Variants in BMPR1B observed in about 807,000 individuals in gnomAD.
The protein encoded by BMPR1B is bone morphogenetic protein receptor type-1B.
In BMPR1B, 12 loss-of-function variants were observed where a neutral mutation model predicts 59.1. That is an observed-to-expected ratio of 0.20 (90% CI 0.13 to 0.33). The LOEUF (loss-of-function observed/expected upper bound fraction) is 0.33. Among genes scored for constraint, BMPR1B ranks in the 10% least tolerant of loss-of-function variants. The probability of loss-of-function intolerance (pLI) is 1.00; values close to 1 mark genes in which losing one functional copy is unlikely to be tolerated. For synonymous variants in BMPR1B, 237 were observed against 207.3 expected (o/e 1.14, Z -1.23); for missense variants, 550 against 610.9 (o/e 0.90, Z 1.05).
chr4:95,106,842 C>G (rs1345132195), intron 4 of BMPR1B, among the ~76,000 whole-genome samples: 1 of 151,848 alleles, frequency 6.6e-6, no homozygotes, highest in Non-Finnish European at 1.5e-5. Flanking sequence ...TGTAAGGAGG[C>G]TGTATCCGTG....
chr4:95,021,289 G>T (rs1183881559), intron 3 of BMPR1B, among the ~76,000 whole-genome samples: 1 of 152,184 alleles, frequency 6.6e-6, no homozygotes, highest in African/African-American at 2.4e-5. Flanking sequence ...AGAATGCAGT[G>T]CAAATGCAGT....
At chr4:95,035,977 C>T (rs1725213424) in intron 3 of BMPR1B, among the ~76,000 whole-genome samples, 1 of 151,950 alleles carries the variant, frequency 6.6e-6, no homozygotes, top group Non-Finnish European at 1.5e-5. Context: ...TGTGGTTTTC[C>T]TTGTAGAGAT....
intron 1 of BMPR1B, among the ~76,000 whole-genome samples, chr4:94,787,002 CT>C (rs752983601): frequency 1.3e-5 from 2 of 152,120 alleles, no homozygotes; most frequent in Non-Finnish European, 2.9e-5. Context: ...AACGTAACCA[CT>C]TTTATTCCCC....
intron 2 of BMPR1B, among the ~76,000 whole-genome samples, chr4:94,924,234 G>C (rs1295079041): frequency 6.6e-6 from 1 of 152,080 alleles, no homozygotes; most frequent in East Asian, 1.9e-4. Flanking sequence ...TTATTTTATT[G>C]TTTATGTGAT....
intron 3 of BMPR1B, among the ~76,000 whole-genome samples, chr4:95,001,642 A>G (rs1378021534): frequency 1.3e-5 from 2 of 152,216 alleles, no homozygotes; most frequent in African/African-American, 2.4e-5. Flanking sequence ...ATTTTGTTTT[A>G]TAATTTTGTT....
chr4:94,811,595 T>C (rs1216731488), intron 1 of BMPR1B, among the ~76,000 whole-genome samples: 5 of 152,186 alleles, frequency 3.3e-5, no homozygotes, highest in African/African-American at 1.2e-4. Flanking sequence ...ATTAAGAGAA[T>C]TGATGGCCCT....
chr4:94,944,840 G>C (rs529963624), intron 2 of BMPR1B, among the ~76,000 whole-genome samples: 1 of 152,286 alleles, frequency 6.6e-6, no homozygotes, highest in Admixed American at 6.5e-5. Flanking sequence ...TGGCCTGACT[G>C]TATGGGACAC....
At chr4:94,822,650 C>T (rs911901685) in intron 1 of BMPR1B, among the ~76,000 whole-genome samples, 2 of 152,042 alleles carry the variant, frequency 1.3e-5, no homozygotes, top group Non-Finnish European at 2.9e-5. Context: ...TACTAGGGGG[C>T]TGTAATGGAT....
chr4:95,154,153 C>T (rs1735248223), intron 12 of BMPR1B, among the ~76,000 whole-genome samples: 1 of 152,154 alleles, frequency 6.6e-6, no homozygotes, highest in African/African-American at 2.4e-5. Flanking sequence ...ATTACTGCAG[C>T]AGACAGCTAT....
rs766140919 is a variant in BMPR1B, at chr4:95,125,018, T to A, written c.482T>A (p.Ile161Asn). The A allele has an allele frequency of 8.7e-6, 14 of 1,613,450 alleles. No individual in the cohort carries two copies. Among genetic ancestry groups the A allele is most frequent in the Non-Finnish European group, 1.2e-5 (14 of 1,179,420 alleles). The stretch of plus-strand genomic sequence containing the variant: ...CAAGAAACCAGACCTCGATACAGCA[T>A]TGGGTTAGAACAGGATGAAACTTAC... Reference protein sequence around the residue: ...KRQETRPRYSIGLEQDETYIP... With the variant: ...KRQETRPRYSNGLEQDETYIP... Residue 161 changes from isoleucine to asparagine, a missense_variant, in exon 8 of 13, where the codon ATT (isoleucine) becomes AAT (asparagine). Ile to Asn is a moderately radical substitution (Grantham distance 149, BLOSUM62 -3). Coordinates refer to ENST00000515059, the MANE Select transcript of BMPR1B (RefSeq NM_001203.3).
intron 2 of BMPR1B, among the ~76,000 whole-genome samples, chr4:94,929,841 A>G (rs1729026981): frequency 6.6e-6 from 1 of 151,990 alleles, no homozygotes; most frequent in Non-Finnish European, 1.5e-5. Context: ...GACACGTCCC[A>G]TGTCCCAAGC....
intron 2 of BMPR1B, among the ~76,000 whole-genome samples, chr4:94,991,092 C>G (rs1019341571): frequency 6.6e-6 from 1 of 152,084 alleles, no homozygotes; most frequent in Non-Finnish European, 1.5e-5. Flanking sequence ...TTTTCAGTCT[C>G]TTTCATATTT....
At chr4:94,847,498 C>T (rs1725382078) in intron 1 of BMPR1B, among the ~76,000 whole-genome samples, 1 of 152,102 alleles carries the variant, frequency 6.6e-6, no homozygotes, top group African/African-American at 2.4e-5. Context: ...ATGTTTATTG[C>T]AGCACTGTTC....
chr4:95,082,025 C>T (rs1579046872), intron 3 of BMPR1B, among the ~76,000 whole-genome samples: 1 of 151,544 alleles, frequency 6.6e-6, no homozygotes, highest in South Asian at 2.1e-4. Flanking sequence ...GGTACATGTG[C>T]ACAATGTGCA....
intron 2 of BMPR1B, among the ~76,000 whole-genome samples, chr4:94,932,984 A>G (rs1426668884): frequency 6.6e-6 from 1 of 152,122 alleles, no homozygotes; most frequent in Non-Finnish European, 1.5e-5. Context: ...TGTAAAAGTA[A>G]TATGTGTGTA....
chr4:94,761,220 A>G (rs1721750147), intron 1 of BMPR1B, among the ~76,000 whole-genome samples: 1 of 152,190 alleles, frequency 6.6e-6, no homozygotes. Flanking sequence ...GAAATGTATC[A>G]CTTTGCAATA....
chr4:94,876,097 A>T (rs895285217), intron 2 of BMPR1B, among the ~76,000 whole-genome samples, 197 bp downstream of exon 2: 1 of 152,308 alleles, frequency 6.6e-6, no homozygotes, highest in African/African-American at 2.4e-5. Flanking sequence ...TCAACATGAC[A>T]AGGTGGATGT....
intron 1 of BMPR1B, among the ~76,000 whole-genome samples, chr4:94,798,023 A>G (rs181495630): frequency 1.3e-5 from 2 of 152,286 alleles, no homozygotes; most frequent in Admixed American, 1.3e-4. Context: ...TTTAATATTT[A>G]AGATCTACCA....
At chr4:95,152,565 T>G in intron 11 of BMPR1B, 78 bp from the exon 12 acceptor site, 102 of 1,324,272 alleles carry the variant, frequency 7.7e-5, no homozygotes, top group Non-Finnish European at 1.0e-4. Context: ...ACTTTTCCTT[T>G]GAGAACTGTG....
Sources: allele counts gnomAD v4.1 joint callset (sites outside exome capture counted in the v4.1 genomes callset), GRCh38; gene constraint gnomAD v4.1.1; transcripts MANE v1.5; gene names NCBI Gene and HGNC (gene_info 2026-07-23, HGNC 2026-07-21).